The following XPA variants were observed in gnomAD, a reference collection of about 807,000 sequenced individuals.
XPA encodes the protein XPA, DNA damage recognition and repair factor, also known as DNA repair protein complementing XP-A cells.
A neutral mutation model predicts 35.7 loss-of-function variants in XPA; 27 were observed. The ratio of observed to expected loss-of-function variants is 0.76; its 90% CI spans 0.56 to 1.04. The LOEUF is 1.04. Among genes scored for constraint, XPA ranks in the 50% least tolerant of loss-of-function variants. XPA has a pLI of 0.00. For missense variants in XPA, 354 were observed against 342.7 expected, an observed-to-expected ratio of 1.03 and a Z score of -0.26; for synonymous variants, 133 against 118.4, an observed-to-expected ratio of 1.12 and a Z score of -0.80.
In XPA at chr9:97,675,526, C is replaced by T; in HGVS notation, c.735G>A (p.Glu245=). Residue 245 remains glutamate (E), a synonymous_variant, in exon 6 of 6, where the codon GAG becomes GAA. Transcript: ENST00000375128. The stretch of plus-strand genomic sequence containing the variant: ...CTTCTAGGTTTTCTTCTGGTCCATA[C>T]TCATGTTGATGAACAATCGTCTCCC... ...WKRETIVHQH[E]YGPEENLEDD... is the part of the protein sequence containing the mutation. 6.2e-7 allele frequency: 1 copy of T among 1,613,950 alleles called. No homozygotes were observed. Among genetic ancestry groups the T allele is most frequent in the Non-Finnish European group, 8.5e-7 (1 of 1,179,966 alleles).
At chr9:97,654,776 T>A in the XPA span, 1 of 997,986 alleles carries the variant, frequency 1.0e-6, no homozygotes. Context: ...TGTTCAGCAT[T>A]ATTAATCATT....
At chr9:97,658,780 T>TTG in the XPA span, 1 of 1,452,280 alleles carries the variant, frequency 6.9e-7, no homozygotes, top group African/African-American at 1.4e-5. Context: ...CTTTAAAAGG[T>TTG]ACCAGTTCAA....
chr9:97,671,361 C>T (rs1314401944), downstream of XPA: 5 of 553,014 alleles, frequency 9.0e-6, no homozygotes, highest in African/African-American at 1.9e-5. Flanking sequence ...CTTTTAATTG[C>T]CCTGAAAAGC....
chr9:97,691,860 C>T (rs896416924), intron 2 of XPA, among the ~76,000 whole-genome samples: 4 of 143,132 alleles, frequency 2.8e-5, no homozygotes, highest in African/African-American at 7.7e-5. Context: ...TCCAGGCTGG[C>T]GACAGAGCAA....
rs1032439135 is a variant in XPA, at chr9:97,675,591, A to G, written c.674-4T>C. On this transcript the variant is annotated splice_region_variant and splice_polypyrimidine_tract_variant and intron_variant, in intron 5 of 5. Transcript: ENST00000375128. Reference sequence around the variant, plus strand: ...CTTCTTACTGCTCGCCGCAATTCTGAAAAAAAAATTTTAAAGTCATCTTTT... The same window carrying G: ...CTTCTTACTGCTCGCCGCAATTCTGGAAAAAAAATTTTAAAGTCATCTTTT... 56 of 1,612,950 alleles carry G rather than the reference A, an allele frequency of 3.5e-5. No homozygotes were observed. Among genetic ancestry groups the G allele is most frequent in the Non-Finnish European group, 4.6e-5 (54 of 1,179,470 alleles).
At chr9:97,659,365 G>A in the XPA span, among the ~76,000 whole-genome samples, 1 of 152,114 alleles carries the variant, frequency 6.6e-6, no homozygotes, top group Non-Finnish European at 1.5e-5. Flanking sequence ...ATTTTGTGTT[G>A]TGTAGAGGTT....
intron 5 of XPA, among the ~76,000 whole-genome samples, chr9:97,678,429 A>C (rs542800461): frequency 1.3e-5 from 2 of 152,272 alleles, no homozygotes; most frequent in East Asian, 3.9e-4. Context: ...AAAAAAAGTA[A>C]GGAAATGACA....
At chr9:97,654,623 G>A in the XPA span, among the ~76,000 whole-genome samples, 1 of 151,932 alleles carries the variant, frequency 6.6e-6, no homozygotes, top group Non-Finnish European at 1.5e-5. Context: ...ATGCCTGTGC[G>A]TATGGAGGGG....
chr9:97,661,933 A>G, the XPA span: 4 of 597,356 alleles, frequency 6.7e-6, no homozygotes, highest in Middle Eastern at 7.8e-4. Flanking sequence ...AAAACATTAC[A>G]CAAATATCTG....
At chr9:97,656,096 T>C in the XPA span, 2 of 1,606,402 alleles carry the variant, frequency 1.2e-6, no homozygotes, top group South Asian at 1.1e-5. Context: ...GTAAGTTTTT[T>C]GTGTTTTCTC....
At chr9:97,677,014 C>T (rs890190146) in intron 5 of XPA, among the ~76,000 whole-genome samples, 2 of 152,136 alleles carry the variant, frequency 1.3e-5, no homozygotes, top group Non-Finnish European at 2.9e-5. Context: ...CAGATGCCCT[C>T]TGGTTTCAGA....
In XPA at chr9:97,697,260, C is replaced by T. The variant is rs778465643; in HGVS notation, c.33G>A (p.Ala11=). 1.3e-6 allele frequency: 2 copies of T among 1,599,544 alleles called. No homozygotes were observed. The highest frequency in any genetic ancestry group is 1.7e-5 in the Admixed American group (1 of 59,960). Residue 11 remains alanine, a synonymous_variant, in exon 1 of 6, where the codon GCG becomes GCA. Transcript: ENST00000375128. MAAADGALPE[A]AALEQPAELP... Reference sequence around the variant, plus strand: ...GCTCCGCGGGTTGCTCTAAAGCCGCCGCCTCCGGCAAAGCCCCGTCGGCCG... The same window carrying T: ...GCTCCGCGGGTTGCTCTAAAGCCGCTGCCTCCGGCAAAGCCCCGTCGGCCG...
At chr9:97,657,060 C>G in the XPA span, among the ~76,000 whole-genome samples, 36 of 152,158 alleles carry the variant, frequency 2.4e-4, no homozygotes, top group Admixed American at 6.5e-5. Context: ...GCGCCACCTC[C>G]GGGTTCACGC....
At chr9:97,696,950 T>C (rs970006555) in intron 1 of XPA, among the ~76,000 whole-genome samples, 171 bp downstream of exon 1, 4 of 152,108 alleles carry the variant, frequency 2.6e-5, no homozygotes, top group Non-Finnish European at 4.4e-5. Context: ...ACAGGACGCT[T>C]TGACAAGGCG....
At chr9:97,672,846 G>C (rs1587733327), downstream of XPA, 11 of 154,374 alleles carry the variant, frequency 7.1e-5, 4 homozygotes, top group Admixed American at 7.1e-4. Context: ...TATAGCATAT[G>C]GGCTGGGCGC....
chr9:97,666,920 C>T, the XPA span: 2 of 1,340,686 alleles, frequency 1.5e-6, no homozygotes, highest in Admixed American at 2.3e-5. Flanking sequence ...GAAAATATAC[C>T]AGAAACTCTG....
At chr9:97,669,670 G>T in the XPA span, 21 of 1,610,168 alleles carry the variant, frequency 1.3e-5, no homozygotes, top group Admixed American at 3.3e-5. Flanking sequence ...CATGGTATAA[G>T]AACTGTATAG....
chr9:97,670,067 C>T, downstream of XPA: 1 of 351,446 alleles, frequency 2.8e-6, no homozygotes, highest in South Asian at 2.3e-5. Flanking sequence ...GGATTACAGG[C>T]ACCCGTCACT....
intron 3 of XPA, among the ~76,000 whole-genome samples, chr9:97,687,686 AC>A (rs1223193776): frequency 1.3e-5 from 2 of 152,160 alleles, no homozygotes; most frequent in Non-Finnish European, 2.9e-5. Context: ...TGAGCAAAAT[AC>A]TATATGAAAA....
Sources: allele counts gnomAD v4.1 joint callset (sites outside exome capture counted in the v4.1 genomes callset), GRCh38; gene constraint gnomAD v4.1.1; transcripts MANE v1.5; gene names NCBI Gene and HGNC (gene_info 2026-07-23, HGNC 2026-07-21).